NIPSNAP2: variants seen among roughly 807,000 people sequenced by gnomAD.
The protein encoded by NIPSNAP2 is protein NipSnap homolog 2.
In NIPSNAP2, 42 loss-of-function variants were observed where a neutral mutation model predicts 48.4. That is an observed-to-expected ratio of 0.87 (90% CI 0.68 to 1.12). The LOEUF is 1.12. NIPSNAP2 is among the 50% of genes most tolerant of loss of function. The probability of loss-of-function intolerance (pLI) is 0.00; values close to 1 mark genes in which losing one functional copy is unlikely to be tolerated. For missense variants in NIPSNAP2, 314 were observed against 347.3 expected, an observed-to-expected ratio of 0.90 and a Z score of 0.76; for synonymous variants, 158 against 126.6, an observed-to-expected ratio of 1.25 and a Z score of -1.67.
chr7:55,997,551 A>T (rs928222627), intron 9 of NIPSNAP2, 102 bp downstream of exon 9: 2 of 853,410 alleles, frequency 2.3e-6, no homozygotes, highest in Non-Finnish European at 3.9e-6. Context: ...GTATGTTGCT[A>T]GGATAGTGAG....
At chr7:55,974,764 C>T (rs887731940) in intron 1 of NIPSNAP2, among the ~76,000 whole-genome samples, 2 of 148,622 alleles carry the variant, frequency 1.3e-5, no homozygotes, top group East Asian at 2.0e-4. Flanking sequence ...AGGAGAATGG[C>T]GTGAACCTGG....
At position 55,998,785 on chromosome 7, in the gene NIPSNAP2, C is replaced by T. The variant is rs533177549; in HGVS notation, c.797-223C>T. On this transcript the variant is annotated intron_variant, in intron 9 of 9. Coordinates refer to ENST00000322090, the MANE Select transcript of NIPSNAP2 (RefSeq NM_001483.3). ...AAGTGCTGGGATTACAGGTGATCTG[C>T]GCCCAGCTGATCTGTTGTAATTTTA... is the stretch of plus-strand genomic sequence containing the variant. 1.1e-4 allele frequency among the ~76,000 whole-genome samples: 16 copies of T among 152,196 alleles called. No homozygotes were observed. In the South Asian group the frequency reaches 2.1e-3, roughly 20 times the overall value.
intron 7 of NIPSNAP2, among the ~76,000 whole-genome samples, chr7:55,985,726 A>G (rs1787313881): frequency 6.6e-6 from 1 of 150,690 alleles, no homozygotes; most frequent in East Asian, 1.9e-4. Context: ...AGCCTGGGCA[A>G]CAGAGTGAGA....
intron 3 of NIPSNAP2, 56 bp downstream of exon 3, chr7:55,978,451 T>TG: frequency 2.9e-6 from 4 of 1,400,278 alleles, no homozygotes; most frequent in Non-Finnish European, 4.0e-6. Context: ...TATTTGTTAG[T>TG]TAATTCCACT....
At chr7:55,965,810 ACCT>A (rs1277335658) in intron 1 of NIPSNAP2, among the ~76,000 whole-genome samples, 3 of 152,112 alleles carry the variant, frequency 2.0e-5, no homozygotes, top group Non-Finnish European at 4.4e-5. Context: ...CGAACTCCTG[ACCT>A]CAGGTGATCC....
At chr7:55,986,641 G>A (rs181443094) in intron 7 of NIPSNAP2, among the ~76,000 whole-genome samples, 2 of 152,024 alleles carry the variant, frequency 1.3e-5, no homozygotes, top group Admixed American at 6.6e-5. Flanking sequence ...TAGCCTGGGT[G>A]ACAGCAGACT....
chr7:55,979,523 G>A (rs1467253775), intron 3 of NIPSNAP2: 23 of 322,894 alleles, frequency 7.1e-5, no homozygotes, highest in Non-Finnish European at 1.4e-4. Flanking sequence ...CACCTAAGCT[G>A]TGCATTCTTC....
intron 5 of NIPSNAP2, among the ~76,000 whole-genome samples, chr7:55,983,013 CTCGG>C (rs1562765454): frequency 6.4e-4 from 97 of 152,138 alleles, no homozygotes; most frequent in African/African-American, 2.2e-3. Flanking sequence ...ATCCCAGCCA[CTCGG>C]GAGGCTGAGG....
At chr7:55,973,179 C>T (rs1292194344) in intron 1 of NIPSNAP2, among the ~76,000 whole-genome samples, 1 of 152,094 alleles carries the variant, frequency 6.6e-6, no homozygotes, top group Non-Finnish European at 1.5e-5. Context: ...TCTTTCCCCT[C>T]TATCCCTTTA....
chr7:55,968,384 C>CTT (rs558409351), intron 1 of NIPSNAP2, among the ~76,000 whole-genome samples: 4 of 139,924 alleles, frequency 2.9e-5, no homozygotes, highest in East Asian at 2.1e-4. Context: ...ACTCTACTTT[C>CTT]TTTTTTTTTT....
intron 7 of NIPSNAP2, among the ~76,000 whole-genome samples, chr7:55,988,430 C>T (rs1321980985): frequency 1.3e-5 from 2 of 152,070 alleles, no homozygotes; most frequent in Admixed American, 6.6e-5. Flanking sequence ...AGTTCCTGCA[C>T]ACTGGGACAG....
At chr7:55,989,480 C>A (rs1465018275) in intron 7 of NIPSNAP2, among the ~76,000 whole-genome samples, 1 of 151,938 alleles carries the variant, frequency 6.6e-6, no homozygotes, top group Non-Finnish European at 1.5e-5. Flanking sequence ...CTAAATTAGC[C>A]AGGTGCAGTG....
At chr7:55,988,363 G>A (rs1166852566) in intron 7 of NIPSNAP2, among the ~76,000 whole-genome samples, 1 of 152,130 alleles carries the variant, frequency 6.6e-6, no homozygotes, top group East Asian at 1.9e-4. Flanking sequence ...CTTATGGAAA[G>A]GGACTCAACC....
chr7:55,989,856 C>T (rs898668552), intron 7 of NIPSNAP2, among the ~76,000 whole-genome samples: 1 of 151,646 alleles, frequency 6.6e-6, no homozygotes, highest in East Asian at 1.9e-4. Context: ...CCTGTAATCC[C>T]AGCACTTTGG....
chr7:55,970,993 G>A (rs1220717646), intron 1 of NIPSNAP2, among the ~76,000 whole-genome samples: 2 of 152,092 alleles, frequency 1.3e-5, no homozygotes, highest in Non-Finnish European at 2.9e-5. Context: ...GACTGAATAG[G>A]CTTGGCATCT....
In NIPSNAP2 at chr7:55,964,627, G is replaced by A. The variant is rs1464620619; in HGVS notation, c.18G>A (p.Leu6=). 4.7e-6 allele frequency: 5 copies of A among 1,058,496 alleles called. No homozygotes were observed. Among genetic ancestry groups the A allele is most frequent in the Non-Finnish European group, 5.7e-6 (5 of 878,838 alleles). 65.6% of individuals were successfully genotyped at this position (1,058,496 alleles called of 1,614,324 possible). Residue 6 remains leucine (L), a synonymous_variant, in exon 1 of 10, where the codon CTG becomes CTA. Transcript: ENST00000322090. MAARV[L]RARGAAWAGG... ...CGAGCAAGATGGCGGCGCGAGTGCT[G>A]CGCGCCCGCGGAGCGGCCTGGGCCG...
intron 7 of NIPSNAP2, 33 bp from the exon 8 acceptor site, chr7:55,994,861 G>A (rs539438030): frequency 5.1e-6 from 8 of 1,563,794 alleles, no homozygotes; most frequent in Non-Finnish European, 7.1e-6. Flanking sequence ...ATCTAATTCA[G>A]TGTCTTAAAC....
chr7:55,977,825 CTG>C lies in NIPSNAP2; in HGVS notation c.93-298_93-297del, dbSNP rs1463355685. 2.6e-5 allele frequency among the ~76,000 whole-genome samples: 4 copies of C among 152,160 alleles called. No homozygotes were observed. The East Asian group carries it at 5.8e-4, about 22-fold the overall frequency. On this transcript the variant is annotated intron_variant, in intron 1 of 9. Transcript: ENST00000322090. ...GCAACCTCCGTTCTGCTTTCTGTCT[CTG>C]TGGGTTTATCTACTCTAGGTATCCA...
At chr7:55,997,850 TAGATA>T (rs1787594338) in intron 9 of NIPSNAP2, among the ~76,000 whole-genome samples, 2 of 152,182 alleles carry the variant, frequency 1.3e-5, no homozygotes, top group Non-Finnish European at 2.9e-5. Context: ...ATTTTGAAAT[TAGATA>T]AATTAAACTT....
Sources: gnomAD v4.1 joint callset for allele counts (sites outside exome capture counted in the v4.1 genomes callset) on GRCh38, gnomAD v4.1.1 for gene constraint, MANE v1.5 for transcripts, NCBI Gene and HGNC (gene_info 2026-07-23, HGNC 2026-07-21) for gene names.